The following MAP2 variants were observed in gnomAD, a reference collection of about 807,000 sequenced individuals.
MAP2 encodes the protein microtubule associated protein 2, also known as microtubule-associated protein 2.
Under a neutral mutation model 137.6 loss-of-function variants are expected in MAP2, and 14 were observed. The ratio of observed to expected loss-of-function variants is 0.10; its 90% CI spans 0.07 to 0.16. The LOEUF (loss-of-function observed/expected upper bound fraction) is 0.16. Among genes scored for constraint, MAP2 ranks in the 10% least tolerant of loss-of-function variants. The pLI, the probability that MAP2 is intolerant of heterozygous loss-of-function variation, is 1.00. For missense variants in MAP2, 2,088 were observed against 2,191.5 expected (o/e 0.95, Z 0.94); for synonymous variants, 786 against 782.3 (o/e 1.00, Z -0.08).
At chr2:209,486,608 C>T (rs2058417443) in intron 1 of MAP2, among the ~76,000 whole-genome samples, 1 of 152,144 alleles carries the variant, frequency 6.6e-6, no homozygotes, top group African/African-American at 2.4e-5. Flanking sequence ...AGGTGTTCAG[C>T]ACCACTTCAA....
At chr2:209,487,707 T>C (rs2058559294) in intron 1 of MAP2, among the ~76,000 whole-genome samples, 1 of 152,206 alleles carries the variant, frequency 6.6e-6, no homozygotes, top group Non-Finnish European at 1.5e-5. Context: ...CTTAGGGGCT[T>C]TTGCAGATTC....
At chr2:209,576,458 G>T (rs925084059) in intron 2 of MAP2, among the ~76,000 whole-genome samples, 1 of 151,772 alleles carries the variant, frequency 6.6e-6, no homozygotes, top group Non-Finnish European at 1.5e-5. Flanking sequence ...CTATGGCCAG[G>T]CTGGTTTCAA....
chr2:209,596,152 A>C (rs555625297), intron 3 of MAP2, among the ~76,000 whole-genome samples: 1 of 152,292 alleles, frequency 6.6e-6, no homozygotes, highest in South Asian at 2.1e-4. Context: ...CAGTAAAGTG[A>C]CTTCATTGTA....
intron 3 of MAP2, among the ~76,000 whole-genome samples, chr2:209,587,194 A>G (rs1559359632): frequency 6.6e-6 from 1 of 152,010 alleles, no homozygotes; most frequent in Non-Finnish European, 1.5e-5. Flanking sequence ...TTTCCAGTAC[A>G]GTACTGAGCT....
chr2:209,582,647 G>A (rs1379036138), intron 3 of MAP2, among the ~76,000 whole-genome samples: 2 of 146,770 alleles, frequency 1.4e-5, no homozygotes, highest in Non-Finnish European at 1.5e-5. Context: ...AGGATAGATA[G>A]ATAGATAGAT....
intron 1 of MAP2, among the ~76,000 whole-genome samples, chr2:209,500,851 A>G (rs1017693298): frequency 3.9e-5 from 6 of 152,038 alleles, no homozygotes; most frequent in African/African-American, 1.4e-4. Context: ...CCTGTACAAC[A>G]TAGGGAAACT....
At chr2:209,510,146 T>A (rs2061557646) in intron 2 of MAP2, among the ~76,000 whole-genome samples, 2 of 151,982 alleles carry the variant, frequency 1.3e-5, no homozygotes, top group Non-Finnish European at 2.9e-5. Context: ...GTATTGGTTT[T>A]TCTGATCTAC....
At chr2:209,655,764 A>G (rs2095101553) in intron 5 of MAP2, among the ~76,000 whole-genome samples, 1 of 152,210 alleles carries the variant, frequency 6.6e-6, no homozygotes, top group Non-Finnish European at 1.5e-5. Context: ...ACAATCTACC[A>G]GTGTATTACA....
At chr2:209,598,120 C>T (rs538592996) in intron 3 of MAP2, among the ~76,000 whole-genome samples, 1 of 152,204 alleles carries the variant, frequency 6.6e-6, no homozygotes, top group Admixed American at 6.5e-5. Context: ...ATTCTCCTGC[C>T]TCAGCCTCCC....
At chr2:209,705,526 G>A (rs1255168353) in intron 11 of MAP2, 54 bp from the exon 12 acceptor site, 8 of 1,465,158 alleles carry the variant, frequency 5.5e-6, no homozygotes, top group African/African-American at 2.9e-5. Context: ...ATATCACTTC[G>A]TATAAATTAA....
chr2:209,714,225 T>A (rs1451634442), intron 13 of MAP2, among the ~76,000 whole-genome samples: 3 of 152,078 alleles, frequency 2.0e-5, no homozygotes, highest in African/African-American at 4.8e-5. Context: ...ATAAATAAAA[T>A]TTTAAAAGCA....
chr2:209,729,217 T>C (rs1416520040), intron 14 of MAP2, among the ~76,000 whole-genome samples: 1 of 152,206 alleles, frequency 6.6e-6, no homozygotes, highest in Non-Finnish European at 1.5e-5. Context: ...CAGCGTCATA[T>C]TGGTCCTATG....
At chr2:209,584,878 T>C (rs1473004694) in intron 3 of MAP2, among the ~76,000 whole-genome samples, 1 of 152,118 alleles carries the variant, frequency 6.6e-6, no homozygotes, top group Non-Finnish European at 1.5e-5. Flanking sequence ...AATTTGAATC[T>C]GATAACTGAA....
intron 2 of MAP2, among the ~76,000 whole-genome samples, chr2:209,562,108 AG>A (rs2072251959): frequency 6.6e-6 from 1 of 152,208 alleles, no homozygotes; most frequent in South Asian, 2.1e-4. Context: ...CCAAATTAAC[AG>A]TGCTGAAACT....
At chr2:209,525,543 C>T (rs2063904480) in intron 2 of MAP2, among the ~76,000 whole-genome samples, 1 of 152,088 alleles carries the variant, frequency 6.6e-6, no homozygotes, top group East Asian at 1.9e-4. Flanking sequence ...CAAGCCCATT[C>T]CTGCATGGAC....
intron 3 of MAP2, among the ~76,000 whole-genome samples, chr2:209,615,471 G>A (rs2088898758): frequency 6.6e-6 from 1 of 152,184 alleles, no homozygotes; most frequent in Non-Finnish European, 1.5e-5. Context: ...TTCTTCATGA[G>A]ATAATACAGT....
At chr2:209,627,229 G>A (rs529997049) in intron 4 of MAP2, among the ~76,000 whole-genome samples, 130 of 151,908 alleles carry the variant, frequency 8.6e-4, no homozygotes, top group African/African-American at 2.4e-3. Context: ...AAATAATGGA[G>A]GAAACTAAAA....
intron 1 of MAP2, among the ~76,000 whole-genome samples, chr2:209,451,501 T>G (rs1271944556): frequency 6.6e-6 from 1 of 152,202 alleles, no homozygotes; most frequent in African/African-American, 2.4e-5. Flanking sequence ...GGGGTCTGTT[T>G]ACACTGTTCC....
chr2:209,531,223 G>T (rs1348131446), intron 2 of MAP2, among the ~76,000 whole-genome samples: 1 of 152,120 alleles, frequency 6.6e-6, no homozygotes, highest in Non-Finnish European at 1.5e-5. Context: ...GGAAAGAAAA[G>T]ATAATGTCCT....
Sources: allele counts gnomAD v4.1 joint callset (sites outside exome capture counted in the v4.1 genomes callset), GRCh38; gene constraint gnomAD v4.1.1; transcripts MANE v1.5; gene names NCBI Gene and HGNC (gene_info 2026-07-23, HGNC 2026-07-21).